The following CDKAL1 variants were observed in gnomAD, a reference collection of about 807,000 sequenced individuals.
The protein encoded by CDKAL1 is threonylcarbamoyladenosine tRNA methylthiotransferase.
Under a neutral mutation model 68.2 loss-of-function variants are expected in CDKAL1, and 32 were observed. The observed-to-expected ratio is 0.47, with a 90% CI of 0.35 to 0.63. CDKAL1 has a LOEUF of 0.63. CDKAL1 is among the 30% of genes least tolerant of loss of function. The pLI, the probability that CDKAL1 is intolerant of heterozygous loss-of-function variation, is 0.00. For missense variants in CDKAL1, 606 were observed against 696.7 expected (o/e 0.87, Z 1.47); for synonymous variants, 234 against 244.3 (o/e 0.96, Z 0.39).
At chr6:20,982,462 G>A (rs1766205760) in intron 10 of CDKAL1, among the ~76,000 whole-genome samples, 1 of 151,906 alleles carries the variant, frequency 6.6e-6, no homozygotes, top group Non-Finnish European at 1.5e-5. Context: ...GTTAACATAA[G>A]GTATTAATAA....
intron 9 of CDKAL1, among the ~76,000 whole-genome samples, chr6:20,875,407 A>G (rs1279079648): frequency 6.6e-6 from 1 of 151,778 alleles, no homozygotes; most frequent in African/African-American, 2.4e-5. Flanking sequence ...ATGGTTACAT[A>G]TGACTTGATC....
chr6:20,801,008 G>A (rs1173793043), intron 8 of CDKAL1, among the ~76,000 whole-genome samples: 1 of 152,168 alleles, frequency 6.6e-6, no homozygotes, highest in Non-Finnish European at 1.5e-5. Context: ...GGCTTAACCT[G>A]CCAGGCTCAA....
intron 5 of CDKAL1, among the ~76,000 whole-genome samples, chr6:20,695,674 A>G (rs962097165): frequency 7.2e-5 from 11 of 152,100 alleles, no homozygotes; most frequent in African/African-American, 2.7e-4. Flanking sequence ...CCAGGCAGAT[A>G]TACTCTGGAT....
intron 4 of CDKAL1, among the ~76,000 whole-genome samples, chr6:20,595,185 T>G (rs1458508352): frequency 6.6e-6 from 1 of 152,184 alleles, no homozygotes; most frequent in Admixed American, 6.5e-5. Context: ...CTTTGTGGTG[T>G]TCTCTGTATT....
chr6:21,093,195 A>G (rs549148755), intron 12 of CDKAL1, among the ~76,000 whole-genome samples: 33 of 152,322 alleles, frequency 2.2e-4, no homozygotes, highest in African/African-American at 7.9e-4. Context: ...GTCACATTCA[A>G]AGGACCAGGA....
chr6:21,178,306 A>G (rs370174428), intron 13 of CDKAL1, among the ~76,000 whole-genome samples: 2 of 152,228 alleles, frequency 1.3e-5, no homozygotes, highest in Non-Finnish European at 2.9e-5. Context: ...AGGATCTTTT[A>G]TAACATAAAA....
At chr6:20,758,455 T>A in intron 6 of CDKAL1, 140 bp from the exon 7 acceptor site, 1 of 605,878 alleles carries the variant, frequency 1.7e-6, no homozygotes, top group Non-Finnish European at 2.9e-6. Flanking sequence ...GGATATTTTT[T>A]ATAGTGTCTC....
At chr6:20,651,539 G>T (rs1768771681) in intron 5 of CDKAL1, among the ~76,000 whole-genome samples, 1 of 152,162 alleles carries the variant, frequency 6.6e-6, no homozygotes, top group East Asian at 1.9e-4. Flanking sequence ...ATTTGAATAC[G>T]CTTTATTTTT....
chr6:20,766,543 C>T (rs1413210568), intron 7 of CDKAL1, among the ~76,000 whole-genome samples: 2 of 152,234 alleles, frequency 1.3e-5, no homozygotes, highest in East Asian at 3.9e-4. Context: ...CGAGGACTTG[C>T]CTACTCTTAA....
At chr6:21,087,003 T>G (rs948964163) in intron 12 of CDKAL1, among the ~76,000 whole-genome samples, 7 of 152,134 alleles carry the variant, frequency 4.6e-5, no homozygotes, top group Admixed American at 4.6e-4. Context: ...GCCCAATAAC[T>G]CTCTTGTTTA....
intron 4 of CDKAL1, among the ~76,000 whole-genome samples, chr6:20,647,523 G>A (rs150813828): frequency 1.3e-5 from 2 of 152,282 alleles, no homozygotes; most frequent in African/African-American, 4.8e-5. Flanking sequence ...AGATAAAAAT[G>A]TATTCAGTAT....
intron 13 of CDKAL1, among the ~76,000 whole-genome samples, chr6:21,140,164 T>C (rs1775824584): frequency 6.6e-6 from 1 of 152,238 alleles, no homozygotes; most frequent in African/African-American, 2.4e-5. Context: ...GATTATATAC[T>C]GCCTTGGTGT....
chr6:20,797,799 ATTTTATTTTATT>A (rs1776173597), intron 8 of CDKAL1, among the ~76,000 whole-genome samples: 1 of 147,072 alleles, frequency 6.8e-6, no homozygotes, highest in Non-Finnish European at 1.5e-5. Flanking sequence ...ATTTTATTTT[ATTTTATTTTATT>A]TTATTTTATT....
chr6:21,105,691 A>G (rs1400700156), intron 12 of CDKAL1, among the ~76,000 whole-genome samples: 1 of 152,154 alleles, frequency 6.6e-6, no homozygotes, highest in Non-Finnish European at 1.5e-5. Flanking sequence ...AACACGGGAT[A>G]CCAGTCAAGG....
At chr6:20,737,409 G>C (rs9358362) in intron 5 of CDKAL1, among the ~76,000 whole-genome samples, 40,366 of 152,126 alleles carry the variant, frequency 0.27, 5,463 homozygotes, top group South Asian at 0.39. Context: ...CTTAAACACT[G>C]AGTGTAATGA....
At chr6:20,855,713 G>A (rs1251823863) in intron 9 of CDKAL1, among the ~76,000 whole-genome samples, 1 of 151,998 alleles carries the variant, frequency 6.6e-6, no homozygotes, top group Non-Finnish European at 1.5e-5. Context: ...ATTTATTTGT[G>A]TTTTCTCATT....
At chr6:20,761,680 CTCT>C in intron 7 of CDKAL1, among the ~76,000 whole-genome samples, 1 of 152,120 alleles carries the variant, frequency 6.6e-6, no homozygotes, top group East Asian at 1.9e-4. Context: ...AGGCTACATA[CTCT>C]ATGAGTCCAA....
chr6:20,850,251 G>A (rs1393708909), intron 9 of CDKAL1, among the ~76,000 whole-genome samples: 1 of 152,058 alleles, frequency 6.6e-6, no homozygotes, highest in Non-Finnish European at 1.5e-5. Flanking sequence ...CTGTGGATGG[G>A]AGTTAAATTT....
At chr6:20,784,042 G>A (rs1387047513) in intron 8 of CDKAL1, among the ~76,000 whole-genome samples, 6 of 151,920 alleles carry the variant, frequency 3.9e-5, no homozygotes, top group Non-Finnish European at 7.4e-5. Flanking sequence ...GTGAAACCCC[G>A]ACTCTACTAA....
Sources: gnomAD v4.1 joint callset for allele counts (sites outside exome capture counted in the v4.1 genomes callset) on GRCh38, gnomAD v4.1.1 for gene constraint, MANE v1.5 for transcripts, NCBI Gene and HGNC (gene_info 2026-07-23, HGNC 2026-07-21) for gene names.